Variants in SLCO6A1 observed in about 807,000 individuals in gnomAD.
The protein encoded by SLCO6A1 is solute carrier organic anion transporter family member 6A1, also known as cancer/testis antigen 48.
SLCO6A1 carries 65 observed loss-of-function variants against 72.7 expected under a neutral mutation model. That is an observed-to-expected ratio of 0.89 (90% CI 0.73 to 1.10). The LOEUF (loss-of-function observed/expected upper bound fraction) is 1.10, where lower values mean the gene tolerates loss of function less well. Ranked by LOEUF, SLCO6A1 falls within the 50% of genes least tolerant of loss-of-function variation. The pLI, the probability that SLCO6A1 is intolerant of heterozygous loss-of-function variation, is 0.00. For missense variants in SLCO6A1, 874 were observed against 872.6 expected (o/e 1.00, Z -0.02); for synonymous variants, 314 against 298.2 (o/e 1.05, Z -0.55).
chr5:102,407,852 G>A (rs1580369191), intron 9 of SLCO6A1, among the ~76,000 whole-genome samples: 1 of 152,088 alleles, frequency 6.6e-6, no homozygotes, highest in African/African-American at 2.4e-5. Context: ...AAACTTAGAA[G>A]TGAACTCTTT....
chr5:102,375,852 G>T lies in SLCO6A1; in HGVS notation c.2018-2358C>A, dbSNP rs528188882. 2.1e-4 allele frequency among the ~76,000 whole-genome samples: 32 copies of T among 152,064 alleles called. No individual in the cohort carries two copies. The South Asian group carries it at 6.7e-3, about 32-fold the overall frequency. ...CCCAGAAGGAGAGAGTAGGAAAAAT[G>T]AGATAAAATAAATATTTTGAATGGT... On this transcript the variant is annotated intron_variant, in intron 12 of 13. Coordinates refer to ENST00000506729, the MANE Select transcript of SLCO6A1 (RefSeq NM_173488.5).
rs190418255 is a variant in SLCO6A1 at position 102,442,680 on chromosome 5, C to A, written c.1132-3919G>T. Among the ~76,000 whole-genome samples the A allele has an allele frequency of 1.8e-3, 274 of 152,278 alleles. 2 individuals carry two copies. The highest frequency in any genetic ancestry group is 2.7e-3 in the Non-Finnish European group (185 of 68,026). ...TTAAAAGGAACAGACGCTGTTAATT[C>A]CACTGATGCAATTTATCATAAGGTT... On this transcript the variant is annotated intron_variant, in intron 6 of 13. Coordinates refer to ENST00000506729, the MANE Select transcript of SLCO6A1 (RefSeq NM_173488.5).
chr5:102,456,956 C>A (rs1299147125), intron 6 of SLCO6A1, among the ~76,000 whole-genome samples: 5 of 152,164 alleles, frequency 3.3e-5, no homozygotes, highest in Admixed American at 1.3e-4. Flanking sequence ...CACATATCTA[C>A]AACCATCTGA....
At chr5:102,494,962 T>C (rs543786138) in intron 1 of SLCO6A1, among the ~76,000 whole-genome samples, 2 of 152,344 alleles carry the variant, frequency 1.3e-5, no homozygotes, top group Non-Finnish European at 2.9e-5. Flanking sequence ...ACAGCATTAT[T>C]TATAGTAGTC....
chr5:102,383,422 T>C (rs188509229), intron 12 of SLCO6A1, among the ~76,000 whole-genome samples: 1 of 151,906 alleles, frequency 6.6e-6, no homozygotes, highest in East Asian at 1.9e-4. Flanking sequence ...TGCTAAGTTT[T>C]GTAAATACTT....
intron 5 of SLCO6A1, 54 bp from the exon 6 acceptor site, chr5:102,458,545 T>A: frequency 7.8e-7 from 1 of 1,278,436 alleles, no homozygotes; most frequent in South Asian, 1.3e-5. Flanking sequence ...CTAAAACCCA[T>A]ACATAAAACC....
chr5:102,429,081 CAT>C (rs1357943691), intron 7 of SLCO6A1, among the ~76,000 whole-genome samples: 1 of 152,062 alleles, frequency 6.6e-6, no homozygotes, highest in Non-Finnish European at 1.5e-5. Context: ...CTGTTGGCCA[CAT>C]GTCTTCTTTT....
chr5:102,480,271 A>T lies in SLCO6A1; in HGVS notation c.522T>A (p.Phe174Leu). 1 of 1,613,438 alleles carries T rather than the reference A, an allele frequency of 6.2e-7. No homozygotes were observed. ...FYGDRKKVIW[F>L]VASSFLIGLG... ...GTCCTATTAAAAAGGAGGAAGCTACAAACCATATTACTTTTTTTCTGTCTC... is the reference window on the plus strand; with the variant it reads ...GTCCTATTAAAAAGGAGGAAGCTACTAACCATATTACTTTTTTTCTGTCTC... Residue 174 changes from phenylalanine to leucine, a missense_variant, in exon 2 of 14, where the codon TTT (phenylalanine) becomes TTA (leucine). Phe to Leu is a conservative substitution (Grantham distance 22, BLOSUM62 0). Coordinates refer to ENST00000506729, the MANE Select transcript of SLCO6A1 (RefSeq NM_173488.5).
intron 5 of SLCO6A1, among the ~76,000 whole-genome samples, chr5:102,459,293 A>C (rs924046234): frequency 1.3e-5 from 2 of 152,108 alleles, no homozygotes; most frequent in Non-Finnish European, 1.5e-5. Context: ...GGTGGCATGC[A>C]CCTGTAGTCC....
At chr5:102,479,765 A>T (rs1470976060) in intron 2 of SLCO6A1, among the ~76,000 whole-genome samples, 3 of 152,124 alleles carry the variant, frequency 2.0e-5, no homozygotes, top group Admixed American at 6.6e-5. Context: ...TGGCTGCACA[A>T]CCATGCAAAT....
chr5:102,494,806 G>C (rs982015430), intron 1 of SLCO6A1, among the ~76,000 whole-genome samples: 1 of 152,152 alleles, frequency 6.6e-6, no homozygotes, highest in Non-Finnish European at 1.5e-5. Flanking sequence ...GGGCAGGATC[G>C]CAAATGGTAC....
At chr5:102,401,874 G>A (rs912170789) in intron 9 of SLCO6A1, among the ~76,000 whole-genome samples, 2 of 152,048 alleles carry the variant, frequency 1.3e-5, no homozygotes, top group African/African-American at 4.8e-5. Flanking sequence ...ATTGAGGAGG[G>A]TAGAGAAAGG....
chr5:102,464,998 GA>G (rs950675305), intron 4 of SLCO6A1, among the ~76,000 whole-genome samples: 8 of 148,780 alleles, frequency 5.4e-5, no homozygotes, highest in East Asian at 2.0e-4. Context: ...CCCTTTGCTG[GA>G]AAAAAAAAAT....
intron 8 of SLCO6A1, among the ~76,000 whole-genome samples, chr5:102,413,862 A>G (rs1191833731): frequency 6.6e-6 from 1 of 152,164 alleles, no homozygotes; most frequent in East Asian, 1.9e-4. Flanking sequence ...GCTAGTGACA[A>G]ATGATGTCGA....
intron 12 of SLCO6A1, among the ~76,000 whole-genome samples, chr5:102,373,710 A>G (rs1370391530): frequency 1.3e-5 from 2 of 152,150 alleles, no homozygotes; most frequent in African/African-American, 4.8e-5. Context: ...TAGACATATT[A>G]CCCCCTTCCC....
Position 102,390,425 on chromosome 5 carries a change from T to G in SLCO6A1, c.1879+556A>C, listed in dbSNP as rs573344275. On this transcript the variant is annotated intron_variant, in intron 11 of 13. Transcript: ENST00000506729. ...GATTTTTCTACATTTTTAAATTATA[T>G]GCCTTTCAGTCTTTAATCCAAGAAT... Among the ~76,000 whole-genome samples the G allele has an allele frequency of 2.6e-5, 4 of 151,764 alleles. No individual in the cohort carries two copies. In the South Asian group the frequency reaches 6.2e-4, roughly 24 times the overall value.
In SLCO6A1 at chr5:102,438,655, T is replaced by C. The variant is rs201105218; in HGVS notation, c.1238A>G (p.Gln413Arg). 25 of 1,591,934 alleles carry C rather than the reference T, an allele frequency of 1.6e-5. No individual in the cohort carries two copies. The highest frequency in any genetic ancestry group is 2.0e-5 in the Non-Finnish European group (24 of 1,173,284). ...TGCCACAGTGGGTGTTAATATAAACTGATTTTCTAAATATATAGGCAAAAA... is the reference window on the plus strand; with the variant it reads ...TGCCACAGTGGGTGTTAATATAAACCGATTTTCTAAATATATAGGCAAAAA... ...SEFLPIYLEN[Q>R]FILTPTVATT... is the part of the protein sequence containing the mutation. The change falls in exon 7 of 14, where the codon CAG (glutamine) becomes CGG (arginine). Residue 413 changes from glutamine to arginine, a missense_variant. Physicochemically the swap from Gln to Arg is conservative, Grantham distance 43. Coordinates refer to ENST00000506729, the MANE Select transcript of SLCO6A1 (RefSeq NM_173488.5).
chr5:102,450,786 C>T (rs967108861), intron 6 of SLCO6A1, among the ~76,000 whole-genome samples: 5 of 152,310 alleles, frequency 3.3e-5, no homozygotes, highest in South Asian at 2.1e-4. Context: ...AGGCCCAAGC[C>T]GAGGTGCCCT....
chr5:102,405,476 C>T (rs1479344352), intron 9 of SLCO6A1, among the ~76,000 whole-genome samples: 1 of 151,412 alleles, frequency 6.6e-6, no homozygotes, highest in African/African-American at 2.4e-5. Flanking sequence ...TTTGAATCAC[C>T]ATACATATAT....
Sources: allele counts gnomAD v4.1 joint callset (sites outside exome capture counted in the v4.1 genomes callset), GRCh38; gene constraint gnomAD v4.1.1; transcripts MANE v1.5; gene names NCBI Gene and HGNC (gene_info 2026-07-23, HGNC 2026-07-21).